Variants in EMCN observed in about 807,000 individuals in gnomAD.
The protein encoded by EMCN is MUC-14.
In EMCN, 37 loss-of-function variants were observed where a neutral mutation model predicts 38.4. The ratio of observed to expected loss-of-function variants is 0.96; its 90% CI spans 0.74 to 1.27. The LOEUF (loss-of-function observed/expected upper bound fraction) is 1.27. EMCN is among the 50% of genes most tolerant of loss of function. The pLI is 0.00. For missense variants in EMCN, 318 were observed against 302.8 expected, an observed-to-expected ratio of 1.05 and a Z score of -0.37; for synonymous variants, 95 against 100.8, an observed-to-expected ratio of 0.94 and a Z score of 0.35.
At chr4:100,424,983 G>A (rs1344336784) in intron 5 of EMCN, among the ~76,000 whole-genome samples, 1 of 152,034 alleles carries the variant, frequency 6.6e-6, no homozygotes, top group African/African-American at 2.4e-5. Flanking sequence ...CTTAAAACGT[G>A]TTGATTGCCC....
chr4:100,462,967 C>T (rs554177703), intron 4 of EMCN, among the ~76,000 whole-genome samples: 1 of 152,108 alleles, frequency 6.6e-6, no homozygotes, highest in South Asian at 2.1e-4. Context: ...TAGAGATTTC[C>T]CAAGAAAAGA....
intron 6 of EMCN, 79 bp from the exon 7 acceptor site, chr4:100,423,159 G>T (rs988174767): frequency 6.9e-7 from 1 of 1,444,252 alleles, no homozygotes. Context: ...CTCATTTAAG[G>T]AAACAGCCAT....
chr4:100,495,229 A>G (rs1729181532), intron 1 of EMCN, among the ~76,000 whole-genome samples: 2 of 151,884 alleles, frequency 1.3e-5, no homozygotes, highest in Admixed American at 6.6e-5. Context: ...ATTTTTTTTT[A>G]TTTCATTAAA....
intron 5 of EMCN, among the ~76,000 whole-genome samples, chr4:100,430,993 C>A (rs1483663531): frequency 6.6e-6 from 1 of 152,120 alleles, no homozygotes; most frequent in Non-Finnish European, 1.5e-5. Context: ...AAATAAACTA[C>A]CCCCTATAGA....
chr4:100,516,357 A>G (rs3756039), intron 1 of EMCN, among the ~76,000 whole-genome samples: 59,756 of 151,598 alleles, frequency 0.39, 12,373 homozygotes, highest in East Asian at 0.74. Flanking sequence ...CAATGCCGGC[A>G]AAGTATTGCA....
chr4:100,432,747 A>G (rs1727236769), intron 5 of EMCN, among the ~76,000 whole-genome samples: 1 of 152,188 alleles, frequency 6.6e-6, no homozygotes, highest in African/African-American at 2.4e-5. Flanking sequence ...AAATGAGTGG[A>G]GATGTCTTTA....
At chr4:100,449,999 A>G (rs1727793593) in intron 4 of EMCN, among the ~76,000 whole-genome samples, 1 of 152,052 alleles carries the variant, frequency 6.6e-6, no homozygotes, top group Admixed American at 6.6e-5. Flanking sequence ...GTTCTGTGGA[A>G]ACAAAAGCTT....
chr4:100,438,762 G>A (rs1727425915), intron 5 of EMCN, among the ~76,000 whole-genome samples: 1 of 151,406 alleles, frequency 6.6e-6, no homozygotes, highest in African/African-American at 2.4e-5. Context: ...TTCCTTTTAT[G>A]CCTAAACTGT....
At chr4:100,514,664 T>C (rs923733306) in intron 1 of EMCN, among the ~76,000 whole-genome samples, 1 of 152,128 alleles carries the variant, frequency 6.6e-6, no homozygotes, top group African/African-American at 2.4e-5. Context: ...AGTACTTAAC[T>C]ATGCCCAAAT....
At chr4:100,415,140 G>C (rs1054578112) in intron 10 of EMCN, among the ~76,000 whole-genome samples, 1 of 152,056 alleles carries the variant, frequency 6.6e-6, no homozygotes, top group Non-Finnish European at 1.5e-5. Flanking sequence ...CAGGTGATCT[G>C]CCCGCCTCAG....
intron 4 of EMCN, among the ~76,000 whole-genome samples, chr4:100,460,438 A>T (rs1487428120): frequency 6.6e-6 from 1 of 152,194 alleles, no homozygotes; most frequent in African/African-American, 2.4e-5. Context: ...TTATGAAATA[A>T]GAGGTTTACT....
chr4:100,485,310 T>A (rs1047590296), intron 1 of EMCN, among the ~76,000 whole-genome samples: 1 of 152,268 alleles, frequency 6.6e-6, no homozygotes, highest in Admixed American at 6.5e-5. Flanking sequence ...GAAAATTTTA[T>A]CTTAAAATAA....
chr4:100,491,986 G>T (rs776153005), intron 1 of EMCN, among the ~76,000 whole-genome samples: 14 of 152,276 alleles, frequency 9.2e-5, no homozygotes, highest in Middle Eastern at 3.4e-3. Flanking sequence ...AGGATACGAG[G>T]ATTACAAAGA....
At chr4:100,438,672 G>A (rs916476670) in intron 5 of EMCN, among the ~76,000 whole-genome samples, 2 of 151,954 alleles carry the variant, frequency 1.3e-5, no homozygotes, top group Non-Finnish European at 2.9e-5. Context: ...GATCTGAGTG[G>A]AAAAGCTTTA....
At chr4:100,461,314 G>C (rs888490250) in intron 4 of EMCN, among the ~76,000 whole-genome samples, 1 of 151,772 alleles carries the variant, frequency 6.6e-6, no homozygotes, top group Non-Finnish European at 1.5e-5. Context: ...ATCACCACTT[G>C]CTTTTTTTTA....
At chr4:100,408,732 C>A (rs1040051436) in intron 11 of EMCN, among the ~76,000 whole-genome samples, 2 of 152,104 alleles carry the variant, frequency 1.3e-5, no homozygotes, top group East Asian at 3.9e-4. Context: ...AGGATTTTTT[C>A]TCTCTCCCCA....
At position 100,424,386 on chromosome 4, in the gene EMCN, G is replaced by C. The variant is rs77897695; in HGVS notation, c.416-982C>G. ...CCACACACCCAACATGGAGCTCTGG[G>C]TACAGGGGGTATGCAGTCAAATGTA... On this transcript the variant is annotated intron_variant, in intron 5 of 11. Coordinates refer to ENST00000296420, the MANE Select transcript of EMCN (RefSeq NM_016242.4). Among the ~76,000 whole-genome samples, 700 of 152,140 alleles carry C rather than the reference G, an allele frequency of 4.6e-3. 7 individuals are homozygous for C. The highest frequency in any genetic ancestry group is 0.016 in the African/African-American group (667 of 41,510).
intron 9 of EMCN, among the ~76,000 whole-genome samples, 164 bp from the exon 10 acceptor site, chr4:100,416,123 T>G (rs1161267041): frequency 6.6e-6 from 1 of 151,974 alleles, no homozygotes; most frequent in Non-Finnish European, 1.5e-5. Flanking sequence ...CATATATATA[T>G]ATATATATCT....
intron 1 of EMCN, among the ~76,000 whole-genome samples, chr4:100,494,533 T>A (rs1729162931): frequency 6.6e-6 from 1 of 152,140 alleles, no homozygotes; most frequent in Non-Finnish European, 1.5e-5. Flanking sequence ...CTTGCTTCAT[T>A]ATTTAAAAGT....
Sources: allele counts gnomAD v4.1 joint callset (sites outside exome capture counted in the v4.1 genomes callset), GRCh38; gene constraint gnomAD v4.1.1; transcripts MANE v1.5; gene names NCBI Gene and HGNC (gene_info 2026-07-23, HGNC 2026-07-21).